BRIP1: variants seen among roughly 807,000 people sequenced by gnomAD.
BRIP1 encodes BRCA1 interacting DNA helicase 1.
BRIP1 carries 88 observed loss-of-function variants against 119.7 expected under a neutral mutation model. The observed-to-expected ratio is 0.74, with a 90% confidence interval of 0.62 to 0.88. The LOEUF (loss-of-function observed/expected upper bound fraction) is 0.88, where lower values mean the gene tolerates loss of function less well. Ranked by LOEUF, BRIP1 falls within the 40% of genes least tolerant of loss-of-function variation. BRIP1 has a pLI of 0.00. For synonymous variants in BRIP1, 443 were observed against 496.5 expected (o/e 0.89, Z 1.43); for missense variants, 1,259 against 1,455.4 (o/e 0.87, Z 2.20).
rs9903562 is a variant in BRIP1 at position 61,843,472 on chromosome 17, G to C, written c.627+3629C>G. On this transcript the variant is annotated intron_variant, in intron 6 of 19. Transcript: ENST00000259008. The surrounding 1 kb of genome is among the most constrained non-coding windows in gnomAD (Gnocchi z 5.7). ...GTGTGTCCCCTCCAACTCTCATGCT[G>C]AAATGTGATCCCCCAAGTTGGAGGT... Among the ~76,000 whole-genome samples the C allele has an allele frequency of 0.11, 17,396 of 152,174 alleles. 3,310 individuals carry two copies. Among genetic ancestry groups the C allele is most frequent in the African/African-American group, 0.39 (16,354 of 41,444 alleles).
chr17:61,798,633 AAG>A lies in BRIP1; in HGVS notation c.1340+465_1340+466del, dbSNP rs1439322463. ...AGATCAACAACTTAATGTCTAATAA[AAG>A]AAAAATTAGTGTAAATTGTCATAAA... On this transcript the variant is annotated intron_variant, in intron 9 of 19. Coordinates refer to ENST00000259008, the MANE Select transcript of BRIP1 (RefSeq NM_032043.3). The surrounding 1 kb of genome is among the most constrained non-coding windows in gnomAD (Gnocchi z 5.5). Among the ~76,000 whole-genome samples, 3 of 152,180 alleles carry A rather than the reference AAG, an allele frequency of 2.0e-5. No homozygotes were observed. The highest frequency in any genetic ancestry group is 7.2e-5 in the African/African-American group (3 of 41,574).
chr17:61,821,705 T>A (rs1246122479), intron 6 of BRIP1, among the ~76,000 whole-genome samples: 1 of 151,934 alleles, frequency 6.6e-6, no homozygotes, highest in African/African-American at 2.4e-5. Flanking sequence ...ACTTTTTGCA[T>A]TTTTTGTCTT....
intron 16 of BRIP1, among the ~76,000 whole-genome samples, chr17:61,718,667 C>A (rs1360510002): frequency 6.6e-6 from 1 of 152,182 alleles, no homozygotes; most frequent in Admixed American, 6.5e-5. Flanking sequence ...CCACTGAGCT[C>A]TGTTTGAGTT....
At position 61,682,121 on chromosome 17, in the gene BRIP1, G is replaced by A. The variant is rs1401678851; in HGVS notation, c.*1175C>T. On this transcript the variant is annotated 3_prime_UTR_variant, in exon 20 of 20. Transcript: ENST00000259008. The surrounding 1 kb of genome is among the most constrained non-coding windows in gnomAD (Gnocchi z 4.9). ...GTCAAAATTCACAGAAAGGATTACT[G>A]TGCCCTAAGGAAACATATTTTAGCT... is the stretch of plus-strand genomic sequence containing the variant. 1 of 203,594 alleles carries A rather than the reference G, an allele frequency of 4.9e-6. No homozygotes were observed. Among genetic ancestry groups the A allele is most frequent in the East Asian group, 7.6e-5 (1 of 13,084 alleles). The allele number at this position is 203,594 out of a possible 1,614,324, so 12.6% of individuals were successfully genotyped here.
intron 14 of BRIP1, among the ~76,000 whole-genome samples, chr17:61,765,379 T>A (rs1266518518): frequency 5.3e-5 from 2 of 37,740 alleles, no homozygotes; most frequent in East Asian, 8.5e-4. Flanking sequence ...TGTGTATATA[T>A]TATATATATA....
intron 11 of BRIP1, among the ~76,000 whole-genome samples, chr17:61,782,341 G>C (rs1209691943): frequency 1.4e-5 from 2 of 147,220 alleles, no homozygotes; most frequent in African/African-American, 5.0e-5. Flanking sequence ...AGCCGAGATC[G>C]CGCCACTGCA....
In BRIP1 at chr17:61,823,201, T is replaced by C. The variant is rs1486949664; in HGVS notation, c.628-14444A>G. On this transcript the variant is annotated intron_variant, in intron 6 of 19. Transcript: ENST00000259008. The surrounding 1 kb of genome is among the most constrained non-coding windows in gnomAD (Gnocchi z 4.8). ...TAGTTTTCACTTAGAACAATGCATA[T>C]ATTTGTTTAAGTTTTCCAAAAGGCC... 6.6e-6 allele frequency among the ~76,000 whole-genome samples: 1 copy of C among 152,264 alleles called. No homozygotes were observed. The highest frequency in any genetic ancestry group is 6.5e-5 in the Admixed American group (1 of 15,288).
rs1420823791 is a variant in BRIP1, at chr17:61,808,049, A to T, written c.918+418T>A. ...TTTCTCATTCAATTAAGAAAATTCA[A>T]ACTTTGCCCAGACAGCCTAAATAAA... On this transcript the variant is annotated intron_variant, in intron 7 of 19. Coordinates refer to ENST00000259008, the MANE Select transcript of BRIP1 (RefSeq NM_032043.3). The surrounding 1 kb of genome is among the most constrained non-coding windows in gnomAD (Gnocchi z 4.1). Among the ~76,000 whole-genome samples, 1 of 152,130 alleles carries T rather than the reference A, an allele frequency of 6.6e-6. No individual in the cohort carries two copies. Among genetic ancestry groups the T allele is most frequent in the African/African-American group, 2.4e-5 (1 of 41,444 alleles).
rs2076891810 is a variant in BRIP1, at chr17:61,734,502, T to G, written c.2379+8511A>C. ...TGGGAAAGTTAGCTTAATGCTTACC[T>G]TCAGAGTAGCCCATTATCAACATTT... On this transcript the variant is annotated intron_variant, in intron 16 of 19. Transcript: ENST00000259008. The surrounding 1 kb of genome is among the most constrained non-coding windows in gnomAD (Gnocchi z 5.2). Among the ~76,000 whole-genome samples, 1 of 152,194 alleles carries G rather than the reference T, an allele frequency of 6.6e-6. No homozygotes were observed. Among genetic ancestry groups the G allele is most frequent in the African/African-American group, 2.4e-5 (1 of 41,450 alleles).
rs72843707 is a variant in BRIP1 at position 61,823,796 on chromosome 17, A to C, written c.628-15039T>G. ...CACACACACACACACACACACACAC[A>C]CCTTAGTTGAATTGCTGAAAGCAGA... On this transcript the variant is annotated intron_variant, in intron 6 of 19. Transcript: ENST00000259008. The surrounding 1 kb of genome is among the most constrained non-coding windows in gnomAD (Gnocchi z 4.8). 2.8e-4 allele frequency among the ~76,000 whole-genome samples: 41 copies of C among 148,926 alleles called. No homozygotes were observed. Among genetic ancestry groups the C allele is most frequent in the Middle Eastern group, 3.5e-3 (1 of 288 alleles).
At position 61,807,955 on chromosome 17, in the gene BRIP1, A is replaced by G. The variant is rs1192667884; in HGVS notation, c.918+512T>C. On this transcript the variant is annotated intron_variant, in intron 7 of 19. Transcript: ENST00000259008. The surrounding 1 kb of genome is among the most constrained non-coding windows in gnomAD (Gnocchi z 4.5). ...CACCAATGACATCTTTTGAAAGTTA[A>G]TAATTTAGTATAACTTTTAAAAGAG... Among the ~76,000 whole-genome samples, 1 of 152,156 alleles carries G rather than the reference A, an allele frequency of 6.6e-6. No individual in the cohort carries two copies. Among genetic ancestry groups the G allele is most frequent in the East Asian group, 1.9e-4 (1 of 5,206 alleles).
Position 61,803,631 on chromosome 17 carries a change from A to T in BRIP1, c.919-2157T>A, listed in dbSNP as rs1376067475. On this transcript the variant is annotated intron_variant, in intron 7 of 19. Coordinates refer to ENST00000259008, the MANE Select transcript of BRIP1 (RefSeq NM_032043.3). This position sits in a 1 kb window ranked among gnomAD's most constrained non-coding sequence, Gnocchi z 4.3. ...GAGTGAGATCCTGTCTCAAAAAAAA[A>T]TACTCATTATGTGCATTAATAAAAA... Among the ~76,000 whole-genome samples the T allele has an allele frequency of 6.6e-6, 1 of 152,170 alleles. No homozygotes were observed. Among genetic ancestry groups the T allele is most frequent in the Non-Finnish European group, 1.5e-5 (1 of 68,022 alleles).
At chr17:61,849,680 T>G (rs1357394437) in intron 4 of BRIP1, among the ~76,000 whole-genome samples, 1 of 152,222 alleles carries the variant, frequency 6.6e-6, no homozygotes, top group Non-Finnish European at 1.5e-5. Context: ...AATCTGTCTT[T>G]TAATCCCATA....
At position 61,722,613 on chromosome 17, in the gene BRIP1, T is replaced by A. The variant is rs2061999477; in HGVS notation, c.2380-6550A>T. Among the ~76,000 whole-genome samples, 1 of 152,186 alleles carries A rather than the reference T, an allele frequency of 6.6e-6. No homozygotes were observed. Among genetic ancestry groups the A allele is most frequent in the South Asian group, 2.1e-4 (1 of 4,832 alleles). On this transcript the variant is annotated intron_variant, in intron 16 of 19. Transcript: ENST00000259008. The surrounding 1 kb of genome is among the most constrained non-coding windows in gnomAD (Gnocchi z 4.6). ...CATCTACTTTGTCAGACATAATAGC[T>A]TATGTGTTTTCAAAATTTCCTACAC...
rs2076773675 is a variant in BRIP1 at position 61,726,979 on chromosome 17, A to T, written c.2380-10916T>A. Among the ~76,000 whole-genome samples the T allele has an allele frequency of 6.6e-6, 1 of 152,238 alleles. No homozygotes were observed. The highest frequency in any genetic ancestry group is 2.1e-4 in the South Asian group (1 of 4,834). On this transcript the variant is annotated intron_variant, in intron 16 of 19. Coordinates refer to ENST00000259008, the MANE Select transcript of BRIP1 (RefSeq NM_032043.3). The surrounding 1 kb of genome is among the most constrained non-coding windows in gnomAD (Gnocchi z 6.2). ...CTGTGAATAAACTTTTGCTAGCAAT[A>T]ACAACTAACAAAATAAAATATTATC...
At position 61,760,890 on chromosome 17, in the gene BRIP1, A is replaced by C. The variant is rs143534170; in HGVS notation, c.2097+15511T>G. ...AAGTTGAAAAGGAGGATATACTTCT[A>C]AATTCTTTTTACATGACCAGCATTA... On this transcript the variant is annotated intron_variant, in intron 14 of 19. Coordinates refer to ENST00000259008, the MANE Select transcript of BRIP1 (RefSeq NM_032043.3). This position sits in a 1 kb window ranked among gnomAD's most constrained non-coding sequence, Gnocchi z 4.6. Among the ~76,000 whole-genome samples, 832 of 152,146 alleles carry C rather than the reference A, an allele frequency of 5.5e-3. 9 individuals carry two copies. Among genetic ancestry groups the C allele is most frequent in the African/African-American group, 0.018 (756 of 41,574 alleles).
Position 61,833,615 on chromosome 17 carries a change from G to A in BRIP1, c.627+13486C>T, listed in dbSNP as rs899782572. 3.4e-5 allele frequency among the ~76,000 whole-genome samples: 5 copies of A among 149,122 alleles called. No homozygotes were observed. The Admixed American group carries it at 3.4e-4, about 10-fold the overall frequency. On this transcript the variant is annotated intron_variant, in intron 6 of 19. Transcript: ENST00000259008. ...GAACCCAGGAGGTGGAGGTTGCAGTGAGCCAAAACTGCACCACTGCACTCC... is the reference window on the plus strand; with the variant it reads ...GAACCCAGGAGGTGGAGGTTGCAGTAAGCCAAAACTGCACCACTGCACTCC...
chr17:61,800,246 G>C (rs1470931770), intron 8 of BRIP1, among the ~76,000 whole-genome samples: 1 of 152,124 alleles, frequency 6.6e-6, no homozygotes, highest in Non-Finnish European at 1.5e-5. Flanking sequence ...ACAAGGAACT[G>C]TCACAAAGCA....
In BRIP1 at chr17:61,693,417, G is replaced by A. The variant is rs2144184559; in HGVS notation, c.2575+13C>T. 1.2e-6 allele frequency: 2 copies of A among 1,605,142 alleles called. No homozygotes were observed. Among genetic ancestry groups the A allele is most frequent in the Non-Finnish European group, 1.7e-6 (2 of 1,171,902 alleles). On this transcript the variant is annotated intron_variant, in intron 18 of 19. Coordinates refer to ENST00000259008, the MANE Select transcript of BRIP1 (RefSeq NM_032043.3). The surrounding 1 kb of genome is among the most constrained non-coding windows in gnomAD (Gnocchi z 4.2). ...GTTACTAGTTTTTACTCTAAGCCCA[G>A]CTGAGATCTTACCAGATATATAGCG...
Sources: allele counts gnomAD v4.1 joint callset (sites outside exome capture counted in the v4.1 genomes callset), GRCh38; gene constraint gnomAD v4.1.1; non-coding constraint Gnocchi (gnomAD v3.1); transcripts MANE v1.5; gene names NCBI Gene and HGNC (gene_info 2026-07-23, HGNC 2026-07-21).